The following CLIP1 variants were observed in gnomAD, a reference collection of about 807,000 sequenced individuals.
The protein encoded by CLIP1 is CAP-Gly domain-containing linker protein 1.
Under a neutral mutation model 161.6 loss-of-function variants are expected in CLIP1, and 66 were observed. The ratio of observed to expected loss-of-function variants is 0.41; its 90% CI spans 0.33 to 0.50. The LOEUF (loss-of-function observed/expected upper bound fraction) is 0.50, where lower values mean the gene tolerates loss of function less well. CLIP1 is among the 20% of genes least tolerant of loss of function. The probability of loss-of-function intolerance (pLI) is 0.27; values close to 1 mark genes in which losing one functional copy is unlikely to be tolerated. For synonymous variants in CLIP1, 598 were observed against 626.2 expected (o/e 0.96, Z 0.67); for missense variants, 1,376 against 1,702.0 (o/e 0.81, Z 3.37).
chr12:122,344,471 C>T (rs1333991770), intron 10 of CLIP1, among the ~76,000 whole-genome samples: 1 of 151,980 alleles, frequency 6.6e-6, no homozygotes, highest in African/African-American at 2.4e-5. Context: ...TAATAAACCC[C>T]ATTGCTGCAA....
At chr12:122,302,598 G>GCACAC (rs952197014) in intron 20 of CLIP1, among the ~76,000 whole-genome samples, 1 of 151,580 alleles carries the variant, frequency 6.6e-6, no homozygotes, top group Non-Finnish European at 1.5e-5. Flanking sequence ...TTACACACAC[G>GCACAC]CACACACACA....
chr12:122,291,401 G>C (rs374805601), intron 20 of CLIP1, among the ~76,000 whole-genome samples: 1 of 151,916 alleles, frequency 6.6e-6, no homozygotes, highest in African/African-American at 2.4e-5. Context: ...TGTTGGCCAG[G>C]CTGGTCTCGA....
chr12:122,416,189 A>T (rs1304688047), intron 1 of CLIP1, among the ~76,000 whole-genome samples: 2 of 152,184 alleles, frequency 1.3e-5, no homozygotes, highest in African/African-American at 4.8e-5. Context: ...GTGAGCCAAG[A>T]TAGCGCCACT....
intron 21 of CLIP1, chr12:122,280,171 T>C (rs1431708938): frequency 6.6e-6 from 1 of 152,106 alleles, no homozygotes; most frequent in East Asian, 1.9e-4. Flanking sequence ...CCTCCTGGGT[T>C]CAAGCGATTC....
intron 3 of CLIP1, among the ~76,000 whole-genome samples, chr12:122,366,751 G>C (rs1334634581): frequency 6.6e-6 from 1 of 152,196 alleles, no homozygotes; most frequent in Non-Finnish European, 1.5e-5. Context: ...TGAGGCACAA[G>C]AGTTGCTTGA....
intron 1 of CLIP1, among the ~76,000 whole-genome samples, chr12:122,390,770 C>T (rs182512925): frequency 7.3e-5 from 11 of 151,418 alleles, no homozygotes; most frequent in Admixed American, 7.3e-4. Flanking sequence ...TAATGTTTAT[C>T]TCTCTTCTGC....
At chr12:122,345,465 CTTTT>C (rs532249907) in intron 10 of CLIP1, among the ~76,000 whole-genome samples, 1 of 151,850 alleles carries the variant, frequency 6.6e-6, no homozygotes. Flanking sequence ...CTGGCCCACT[CTTTT>C]TTTGTTTTCT....
intron 20 of CLIP1, among the ~76,000 whole-genome samples, chr12:122,291,722 A>G (rs958590578): frequency 6.6e-6 from 1 of 152,152 alleles, no homozygotes; most frequent in Non-Finnish European, 1.5e-5. Flanking sequence ...CACTTGGTTA[A>G]GGAGGAAGTA....
intron 1 of CLIP1, among the ~76,000 whole-genome samples, chr12:122,402,758 A>G (rs952784891): frequency 1.3e-5 from 2 of 152,206 alleles, no homozygotes; most frequent in Non-Finnish European, 2.9e-5. Flanking sequence ...CCTGGGTGGC[A>G]GCACTACATT....
intron 18 of CLIP1, 67 bp downstream of exon 18, chr12:122,319,165 A>C (rs2136625853): frequency 9.3e-7 from 1 of 1,079,794 alleles, no homozygotes; most frequent in Non-Finnish European, 1.4e-6. Flanking sequence ...ATCCTGAGTC[A>C]GTGACCAAAC....
intron 1 of CLIP1, among the ~76,000 whole-genome samples, chr12:122,390,658 G>A (rs1955616150): frequency 6.6e-6 from 1 of 151,652 alleles, no homozygotes; most frequent in African/African-American, 2.4e-5. Context: ...AAACTATAAT[G>A]TGACAAAATA....
At chr12:122,321,569 A>C (rs964783456) in intron 17 of CLIP1, among the ~76,000 whole-genome samples, 10 of 151,786 alleles carry the variant, frequency 6.6e-5, no homozygotes, top group Non-Finnish European at 1.3e-4. Flanking sequence ...ACCAGGCTGG[A>C]GTGCAATGGC....
Position 122,271,951 on chromosome 12 carries a change from G to C in CLIP1, c.*924C>G, listed in dbSNP as rs1326550540. The stretch of plus-strand genomic sequence containing the variant: ...GCCAGAGAAGGAAAAAAAAATTGGA[G>C]AAAATTCCTCCAGTTATTTAAATCT... On this transcript the variant is annotated 3_prime_UTR_variant, in exon 26 of 26. Coordinates refer to ENST00000620786, the MANE Select transcript of CLIP1 (RefSeq NM_001247997.2). The C allele has an allele frequency of 6.6e-6, 1 of 152,534 alleles. No individual in the cohort carries two copies. Among genetic ancestry groups the C allele is most frequent in the Non-Finnish European group, 1.5e-5 (1 of 68,018 alleles). The allele number at this position is 152,534 out of a possible 1,614,324, so 9.4% of individuals were successfully genotyped here.
rs555407084 is a variant in CLIP1 at position 122,292,864 on chromosome 12, G to A, written c.3595-4323C>T. Among the ~76,000 whole-genome samples the A allele has an allele frequency of 3.6e-4, 54 of 151,848 alleles. 1 individual carries two copies. The South Asian group carries it at 7.5e-3, about 21-fold the overall frequency. On this transcript the variant is annotated intron_variant, in intron 20 of 25. Transcript: ENST00000620786. ...TAAAAATATAAAAAATTAGCCGGGC[G>A]CGGTGGTGGGCGCCTGTAGTCCCAG...
chr12:122,313,923 A>G (rs1272955066), intron 19 of CLIP1, among the ~76,000 whole-genome samples: 1 of 151,652 alleles, frequency 6.6e-6, no homozygotes, highest in Admixed American at 6.6e-5. Flanking sequence ...TTGGGAGGTC[A>G]AGGCGGGCAG....
chr12:122,286,405 TA>T, intron 21 of CLIP1, among the ~76,000 whole-genome samples: 1 of 150,586 alleles, frequency 6.6e-6, no homozygotes, highest in East Asian at 2.0e-4. Context: ...TAATACCAGT[TA>T]CTTGGGAGGC....
chr12:122,335,397 T>C (rs1327174982), intron 12 of CLIP1, among the ~76,000 whole-genome samples: 2 of 151,174 alleles, frequency 1.3e-5, no homozygotes, highest in Admixed American at 6.6e-5. Flanking sequence ...CAAGGTGGCA[T>C]GTCTTGTCCT....
rs779795896 is a variant in CLIP1 at position 122,341,646 on chromosome 12, C to T, written c.1558G>A (p.Ala520Thr). 13 of 1,611,466 alleles carry T rather than the reference C, an allele frequency of 8.1e-6. No homozygotes were observed. Among genetic ancestry groups the T allele is most frequent in the African/African-American group, 1.3e-5 (1 of 74,756 alleles). The change falls in exon 11 of 26, where the codon GCA (alanine) becomes ACA (threonine). Residue 520 changes from alanine (A) to threonine (T), a missense_variant. Around this residue, in one of 6 missense-constraint regions of CLIP1, gnomAD observed 948 missense variants for 1,134.8 expected, o/e 0.84. Transcript: ENST00000620786. ...SRIMELEKDL[A>T]LRVQEVAELR... is the part of the protein sequence containing the mutation. The stretch of plus-strand genomic sequence containing the variant: ...TCAGCTACTTCCTGTACTCTCAATG[C>T]TAGGTCTTTCTCCAGTTCCATTATA...
In CLIP1 at chr12:122,274,161, A is replaced by G. The variant is rs1955294685; in HGVS notation, c.3968T>C (p.Ile1323Thr). The change falls in exon 25 of 26, where the codon ATT becomes ACT. Residue 1323 changes from isoleucine (I) to threonine (T), a missense_variant and splice_region_variant. This residue lies in a region of CLIP1 where 948 missense variants were observed against 1,134.8 expected (regional missense o/e 0.84). Transcript: ENST00000620786. Reference protein sequence around the residue: ...DEDERAQESQIDFLNSVIVDL... With the variant: ...DEDERAQESQTDFLNSVIVDL... ...CACTATTACTGAATTTAGGAAATCA[A>G]TCTGATTTGTTAAAAAAAAAATGTG... is the stretch of plus-strand genomic sequence containing the variant. 1 of 1,590,830 alleles carries G rather than the reference A, an allele frequency of 6.3e-7. No individual in the cohort carries two copies. Among genetic ancestry groups the G allele is most frequent in the Non-Finnish European group, 8.6e-7 (1 of 1,159,252 alleles).
Sources: gnomAD v4.1 joint callset for allele counts (sites outside exome capture counted in the v4.1 genomes callset) on GRCh38, gnomAD v4.1.1 for gene constraint, gnomAD v4.1.1 regional missense constraint, MANE v1.5 for transcripts, NCBI Gene and HGNC (gene_info 2026-07-23, HGNC 2026-07-21) for gene names.